Variants in SMC3 observed in about 807,000 individuals in gnomAD.
SMC3 encodes the protein structural maintenance of chromosomes protein 3.
SMC3 carries 20 observed loss-of-function variants against 171.8 expected under a neutral mutation model. The observed-to-expected ratio is 0.12, with a 90% CI of 0.08 to 0.17. The LOEUF (loss-of-function observed/expected upper bound fraction) is 0.17, where lower values mean the gene tolerates loss of function less well. SMC3 is among the 10% of genes least tolerant of loss of function. The pLI, the probability that SMC3 is intolerant of heterozygous loss-of-function variation, is 1.00. For missense variants in SMC3, 543 were observed against 1,420.4 expected (o/e 0.38, Z 9.93); for synonymous variants, 464 against 451.1 (o/e 1.03, Z -0.36).
At chr10:110,601,216 G>A (rs1328372544) in intron 23 of SMC3, 86 bp downstream of exon 23, 19 of 952,512 alleles carry the variant, frequency 2.0e-5, no homozygotes, top group Non-Finnish European at 1.5e-5. Flanking sequence ...ATAGGCAGAA[G>A]CATATGCTAA....
intron 19 of SMC3, 85 bp from the exon 20 acceptor site, chr10:110,598,054 G>T: frequency 8.1e-7 from 1 of 1,228,762 alleles, no homozygotes; most frequent in South Asian, 1.3e-5. Flanking sequence ...AGAAAAGGAA[G>T]GGATACATGG....
intron 9 of SMC3, 63 bp from the exon 10 acceptor site, chr10:110,582,499 A>G (rs528954361): frequency 1.4e-5 from 16 of 1,129,582 alleles, no homozygotes; most frequent in Non-Finnish European, 1.9e-5. Context: ...TTTTTATTAG[A>G]TGTTATGAAA....
Position 110,601,623 on chromosome 10 carries a change from TC to T in SMC3, c.2645-8del, listed in dbSNP as rs746069363. Reference sequence around the variant, plus strand: ...ATAGGTATTATAGCCTAATTTTGTTTCCCCCCATCTTAGATTTGGACAATTC... The same window carrying T: ...ATAGGTATTATAGCCTAATTTTGTTTCCCCCATCTTAGATTTGGACAATTC... On this transcript the variant is annotated splice_polypyrimidine_tract_variant and intron_variant, in intron 23 of 28. Transcript: ENST00000361804. 25 of 1,609,290 alleles carry T rather than the reference TC, an allele frequency of 1.6e-5. 1 individual carries two copies. In the South Asian group the frequency reaches 1.6e-4, roughly 11 times the overall value.
At chr10:110,592,294 A>T (rs1371859779) in intron 17 of SMC3, among the ~76,000 whole-genome samples, 2 of 151,678 alleles carry the variant, frequency 1.3e-5, no homozygotes, top group Non-Finnish European at 2.9e-5. Flanking sequence ...TAGAACTGGG[A>T]AGTGCAAGGA....
At chr10:110,573,031 T>C (rs1860894681) in intron 2 of SMC3, among the ~76,000 whole-genome samples, 1 of 152,168 alleles carries the variant, frequency 6.6e-6, no homozygotes, top group East Asian at 1.9e-4. Context: ...GAATGATCTT[T>C]TTGAGATTTA....
intron 12 of SMC3, 96 bp downstream of exon 12, chr10:110,584,058 A>C: frequency 6.5e-7 from 1 of 1,532,556 alleles, no homozygotes; most frequent in Non-Finnish European, 9.0e-7. Flanking sequence ...TGCTTTTTAC[A>C]CTTAATTCTT....
At chr10:110,570,187 A>G (rs372978579) in intron 2 of SMC3, among the ~76,000 whole-genome samples, 23 of 152,276 alleles carry the variant, frequency 1.5e-4, no homozygotes, top group East Asian at 1.3e-3. Flanking sequence ...TCATTTAACC[A>G]TAATCATCTT....
chr10:110,578,429 A>G (rs929394414), intron 6 of SMC3, among the ~76,000 whole-genome samples, 199 bp from the exon 7 acceptor site: 16 of 152,218 alleles, frequency 1.1e-4, no homozygotes, highest in African/African-American at 3.6e-4. Flanking sequence ...TGCTTCATAT[A>G]TGAGGAATAT....
chr10:110,577,286 G>A, intron 4 of SMC3, 135 bp from the exon 5 acceptor site: 1 of 698,766 alleles, frequency 1.4e-6, no homozygotes, highest in Non-Finnish European at 2.6e-6. Flanking sequence ...ATTAGTGTGT[G>A]TGTGTATATA....
chr10:110,596,587 G>C (rs746879001), intron 19 of SMC3, 37 bp downstream of exon 19: 1 of 1,595,082 alleles, frequency 6.3e-7, no homozygotes, highest in Admixed American at 1.7e-5. Context: ...TAGATATTGT[G>C]GGGGAAGAAC....
At chr10:110,574,819 T>G (rs1860923638) in intron 3 of SMC3, among the ~76,000 whole-genome samples, 1 of 152,208 alleles carries the variant, frequency 6.6e-6, no homozygotes, top group Non-Finnish European at 1.5e-5. Flanking sequence ...GGCCCCTTCT[T>G]ACAGAGCTCG....
At chr10:110,568,734 C>T (rs1860822171) in intron 1 of SMC3, among the ~76,000 whole-genome samples, 1 of 150,994 alleles carries the variant, frequency 6.6e-6, no homozygotes, top group Non-Finnish European at 1.5e-5. Flanking sequence ...AACCCAGCAG[C>T]ATTGCCTTGG....
At chr10:110,574,341 G>A (rs1035181756) in intron 3 of SMC3, among the ~76,000 whole-genome samples, 4 of 152,188 alleles carry the variant, frequency 2.6e-5, no homozygotes, top group African/African-American at 4.8e-5. Flanking sequence ...CAATGCGTCT[G>A]TTAACAAATC....
intron 18 of SMC3, among the ~76,000 whole-genome samples, chr10:110,595,781 A>G (rs1301108305): frequency 1.3e-5 from 2 of 151,720 alleles, no homozygotes; most frequent in South Asian, 2.1e-4. Flanking sequence ...TTACATTGGT[A>G]TTGTTATTTT....
chr10:110,589,770 G>T (rs897524680), intron 14 of SMC3, 62 bp downstream of exon 14: 3 of 1,414,642 alleles, frequency 2.1e-6, no homozygotes, highest in East Asian at 2.3e-5. Context: ...GCTGTTATGT[G>T]GTCTTTAAGT....
intron 8 of SMC3, 68 bp downstream of exon 8, chr10:110,581,089 A>G (rs551271310): frequency 8.3e-6 from 7 of 843,518 alleles, no homozygotes; most frequent in African/African-American, 8.3e-5. Context: ...GAGTGGCTCC[A>G]TGATGGGAAT....
At chr10:110,598,103 T>TA in intron 19 of SMC3, 36 bp from the exon 20 acceptor site, 1 of 1,595,374 alleles carries the variant, frequency 6.3e-7, no homozygotes, top group Non-Finnish European at 8.6e-7. Flanking sequence ...ACGATATATT[T>TA]ACAACCTGGA....
In SMC3 at chr10:110,590,005, T is replaced by G; in HGVS notation, c.1509+14T>G. 6.2e-7 allele frequency: 1 copy of G among 1,601,806 alleles called. No homozygotes were observed. The highest frequency in any genetic ancestry group is 1.3e-5 in the African/African-American group (1 of 74,810). ...GCAACAGGAAAGGTGGGCAGGTTCT[T>G]TTCATCACCTCTGTTTACACTGAGT... is the stretch of plus-strand genomic sequence containing the variant. On this transcript the variant is annotated intron_variant, in intron 15 of 28. Coordinates refer to ENST00000361804, the MANE Select transcript of SMC3 (RefSeq NM_005445.4).
intron 18 of SMC3, among the ~76,000 whole-genome samples, chr10:110,594,390 G>C (rs1343543291): frequency 9.9e-5 from 15 of 152,016 alleles, no homozygotes; most frequent in African/African-American, 2.9e-4. Flanking sequence ...GCTACCATAA[G>C]TTTGAAGTAC....
Sources: gnomAD v4.1 joint callset for allele counts (sites outside exome capture counted in the v4.1 genomes callset) on GRCh38, gnomAD v4.1.1 for gene constraint, MANE v1.5 for transcripts, NCBI Gene and HGNC (gene_info 2026-07-23, HGNC 2026-07-21) for gene names.